WDR27: variants seen among roughly 807,000 people sequenced by gnomAD.
WDR27 encodes the protein WD repeat-containing protein 27.
In WDR27, 100 loss-of-function variants were observed where a neutral mutation model predicts 114.4. The ratio of observed to expected loss-of-function variants is 0.87; its 90% confidence interval spans 0.74 to 1.03. The LOEUF (loss-of-function observed/expected upper bound fraction) is 1.03. WDR27 is among the 50% of genes least tolerant of loss of function. The probability of loss-of-function intolerance (pLI) is 0.00; values close to 1 mark genes in which losing one functional copy is unlikely to be tolerated. For missense variants in WDR27, 1,129 were observed against 1,092.9 expected (o/e 1.03, Z -0.47); for synonymous variants, 449 against 423.1 (o/e 1.06, Z -0.75).
intron 23 of WDR27, among the ~76,000 whole-genome samples, chr6:169,584,177 CTTTT>C (rs1804119440): frequency 6.6e-6 from 1 of 152,242 alleles, no homozygotes; most frequent in Admixed American, 6.5e-5. Context: ...CAGTCTTTTT[CTTTT>C]TGTGTCTGGT....
intron 13 of WDR27, among the ~76,000 whole-genome samples, chr6:169,653,825 G>T (rs1457957013): frequency 6.6e-6 from 1 of 152,388 alleles, no homozygotes; most frequent in East Asian, 1.9e-4. Flanking sequence ...TCAGGGAGGT[G>T]AGGGCAGAAA....
chr6:169,628,517 T>C (rs1815451025), intron 21 of WDR27, among the ~76,000 whole-genome samples: 1 of 152,090 alleles, frequency 6.6e-6, no homozygotes, highest in Non-Finnish European at 1.5e-5. Context: ...GTAAAACAAG[T>C]TTATTCAATC....
rs1264294925 is a variant in WDR27, at chr6:169,603,855, G to A, written c.2322-1534C>T. Among the ~76,000 whole-genome samples, 8 of 152,326 alleles carry A rather than the reference G, an allele frequency of 5.3e-5. No homozygotes were observed. The East Asian group carries it at 1.5e-3, about 29-fold the overall frequency. On this transcript the variant is annotated intron_variant, in intron 22 of 25. Coordinates refer to ENST00000448612, the MANE Select transcript of WDR27 (RefSeq NM_182552.5). ...TACAGCACGTGGCACATTAATAAGTGCTCTAGAAGTGTAATTGGACTGGGT... is the reference window on the plus strand; with the variant it reads ...TACAGCACGTGGCACATTAATAAGTACTCTAGAAGTGTAATTGGACTGGGT...
chr6:169,688,142 A>T (rs1297278971), intron 2 of WDR27, among the ~76,000 whole-genome samples: 4 of 152,194 alleles, frequency 2.6e-5, no homozygotes, highest in African/African-American at 9.7e-5. Context: ...ATAAAAATGT[A>T]TTTTTATTTT....
At chr6:169,606,535 C>T (rs998107244) in intron 22 of WDR27, among the ~76,000 whole-genome samples, 5 of 152,198 alleles carry the variant, frequency 3.3e-5, no homozygotes, top group African/African-American at 1.2e-4. Flanking sequence ...CATTGTTCAG[C>T]TCCCACTTAT....
At chr6:169,487,225 A>T (rs1390609312) in intron 25 of WDR27, among the ~76,000 whole-genome samples, 1 of 152,240 alleles carries the variant, frequency 6.6e-6, no homozygotes. Flanking sequence ...AATACTTGAC[A>T]TACAGCGAAT....
At chr6:169,624,403 C>T (rs1052586597) in intron 21 of WDR27, among the ~76,000 whole-genome samples, 1 of 152,162 alleles carries the variant, frequency 6.6e-6, no homozygotes, top group South Asian at 2.1e-4. Context: ...TCGAAGCTCA[C>T]CAGAGTGCAG....
chr6:169,612,631 T>TAA (rs59134868), intron 22 of WDR27, among the ~76,000 whole-genome samples: 10,407 of 97,034 alleles, frequency 0.11, 1,169 homozygotes, highest in East Asian at 0.58. Context: ...CTGTCTAACA[T>TAA]AAAAAAAAAA....
At chr6:169,486,092 A>G (rs1395478335) in intron 25 of WDR27, among the ~76,000 whole-genome samples, 1 of 152,094 alleles carries the variant, frequency 6.6e-6, no homozygotes, top group Non-Finnish European at 1.5e-5. Context: ...TGCACAACAA[A>G]TCCCCTTGAT....
chr6:169,442,178 G>A, the WDR27 span, among the ~76,000 whole-genome samples: 1 of 152,208 alleles, frequency 6.6e-6, no homozygotes, highest in Non-Finnish European at 1.5e-5. Flanking sequence ...TGTTTTCTCA[G>A]TGTTGTGTTT....
rs577321106 is a variant in WDR27 at position 169,472,977 on chromosome 6, A to G, written c.2646-15343T>C. On this transcript the variant is annotated intron_variant, in intron 25 of 25. Coordinates refer to ENST00000448612, the MANE Select transcript of WDR27 (RefSeq NM_182552.5). ...ATAACTCAGTCTGCAAAACACTGCT[A>G]CAAATTTTATACTAATGACATATTG... 2.6e-5 allele frequency among the ~76,000 whole-genome samples: 4 copies of G among 152,216 alleles called. No individual in the cohort carries two copies. The South Asian group carries it at 6.2e-4, about 24-fold the overall frequency.
chr6:169,561,168 G>A (rs1380973091), intron 25 of WDR27, among the ~76,000 whole-genome samples: 1 of 152,034 alleles, frequency 6.6e-6, no homozygotes, highest in African/African-American at 2.4e-5. Flanking sequence ...GGCAGTGCCT[G>A]GTGAGGGGCC....
At chr6:169,665,894 G>A (rs911204561) in intron 6 of WDR27, among the ~76,000 whole-genome samples, 10 of 152,216 alleles carry the variant, frequency 6.6e-5, no homozygotes, top group African/African-American at 2.2e-4. Flanking sequence ...CTGCTTTATA[G>A]CCTAGAGGGA....
At chr6:169,647,263 C>T (rs947605812) in intron 16 of WDR27, among the ~76,000 whole-genome samples, 3 of 152,154 alleles carry the variant, frequency 2.0e-5, no homozygotes, top group Non-Finnish European at 1.5e-5. Flanking sequence ...TCACGGAAGC[C>T]GAGACACACT....
intron 25 of WDR27, among the ~76,000 whole-genome samples, chr6:169,510,452 T>TA (rs1430451678): frequency 1.3e-5 from 2 of 152,042 alleles, no homozygotes; most frequent in African/African-American, 2.4e-5. Context: ...TATGCAGCCA[T>TA]AAAAAATGAT....
chr6:169,448,202 C>T, the WDR27 span, among the ~76,000 whole-genome samples: 1 of 152,122 alleles, frequency 6.6e-6, no homozygotes, highest in Non-Finnish European at 1.5e-5. Context: ...CCGTGCCTGG[C>T]CATATTTTAC....
rs937760189 is a variant in WDR27, at chr6:169,636,308, C to A, written c.2003+63G>T. On this transcript the variant is annotated intron_variant, in intron 19 of 25. Coordinates refer to ENST00000448612, the MANE Select transcript of WDR27 (RefSeq NM_182552.5). ...ATTTTAAAATGTAAATACCTTTCAA[C>A]ATCACATTATTGAAACAGCTTCCTG... 3.2e-6 allele frequency: 5 copies of A among 1,573,294 alleles called. No individual in the cohort carries two copies. The African/African-American group carries it at 5.5e-5, about 17-fold the overall frequency.
chr6:169,641,383 C>T (rs1819124912), intron 17 of WDR27, among the ~76,000 whole-genome samples: 1 of 152,214 alleles, frequency 6.6e-6, no homozygotes, highest in African/African-American at 2.4e-5. Context: ...GCCTCTTCCT[C>T]TCTCTCCCCA....
chr6:169,462,494 A>G (rs111842903), intron 25 of WDR27, among the ~76,000 whole-genome samples: 9 of 144,446 alleles, frequency 6.2e-5, no homozygotes, highest in South Asian at 2.1e-4. Context: ...GAGAGAGAGA[A>G]AGAAAGAAAG....
Sources: allele counts gnomAD v4.1 joint callset (sites outside exome capture counted in the v4.1 genomes callset), GRCh38; gene constraint gnomAD v4.1.1; transcripts MANE v1.5; gene names NCBI Gene and HGNC (gene_info 2026-07-23, HGNC 2026-07-21).